The following USH2A variants were observed in gnomAD, a reference collection of about 807,000 sequenced individuals.
USH2A encodes the protein usherin, also known as Usher syndrome 2A (autosomal recessive, mild).
A neutral mutation model predicts 538.9 loss-of-function variants in USH2A; 443 were observed. That is an observed-to-expected ratio of 0.82 (90% confidence interval 0.76 to 0.89). The LOEUF is 0.89. USH2A is among the 40% of genes least tolerant of loss of function. USH2A has a pLI of 0.00. For missense variants in USH2A, 6,633 were observed against 6,324.8 expected (o/e 1.05, Z -1.65); for synonymous variants, 2,413 against 2,273.5 (o/e 1.06, Z -1.75).
chr1:215,650,870 G>C, intron 64 of USH2A, 69 bp from the exon 65 acceptor site: 11 of 1,392,670 alleles, frequency 7.9e-6, no homozygotes, highest in South Asian at 1.3e-5. Context: ...AAAAAAAAAA[G>C]AAAGGAAAAA....
chr1:216,088,968 C>A, intron 23 of USH2A, 45 bp downstream of exon 23: 1 of 1,610,978 alleles, frequency 6.2e-7, no homozygotes, highest in Non-Finnish European at 8.5e-7. Flanking sequence ...TATGGCAACA[C>A]CAACATATCA....
chr1:215,761,628 G>T (rs1363029265), intron 56 of USH2A, among the ~76,000 whole-genome samples: 1 of 152,190 alleles, frequency 6.6e-6, no homozygotes, highest in African/African-American at 2.4e-5. Context: ...ACTGCAGGCA[G>T]TTCTAGGGAA....
At chr1:215,858,054 G>A (rs535615579) in intron 44 of USH2A, among the ~76,000 whole-genome samples, 2 of 152,258 alleles carry the variant, frequency 1.3e-5, no homozygotes, top group African/African-American at 2.4e-5. Context: ...AAACTACAAT[G>A]TGAATGTTTG....
intron 70 of USH2A, among the ~76,000 whole-genome samples, chr1:215,632,946 A>G (rs998401822): frequency 1.3e-5 from 2 of 152,182 alleles, no homozygotes; most frequent in Admixed American, 6.5e-5. Flanking sequence ...TGCCTATGAT[A>G]TGCCAGGCAC....
chr1:216,068,352 T>TA (rs909608348), intron 30 of USH2A, among the ~76,000 whole-genome samples: 2 of 152,108 alleles, frequency 1.3e-5, no homozygotes, highest in Admixed American at 1.3e-4. Flanking sequence ...CAATGGGAGA[T>TA]AAAAGAGTTT....
chr1:216,420,414 A>G (rs1245731475), intron 2 of USH2A, among the ~76,000 whole-genome samples: 1 of 152,122 alleles, frequency 6.6e-6, no homozygotes, highest in African/African-American at 2.4e-5. Flanking sequence ...TGAATAAACA[A>G]TAATTGGATA....
chr1:216,158,625 G>A (rs1311217268), intron 21 of USH2A, among the ~76,000 whole-genome samples: 1 of 152,092 alleles, frequency 6.6e-6, no homozygotes, highest in Non-Finnish European at 1.5e-5. Flanking sequence ...CTTACCTACT[G>A]CAGTCTTATA....
At chr1:215,852,245 A>C (rs1329532858) in intron 44 of USH2A, among the ~76,000 whole-genome samples, 1 of 152,166 alleles carries the variant, frequency 6.6e-6, no homozygotes, top group Non-Finnish European at 1.5e-5. Context: ...GGCACATCTC[A>C]CATGGTGGCA....
chr1:215,976,196 G>A (rs934833923), intron 35 of USH2A, among the ~76,000 whole-genome samples: 4 of 152,140 alleles, frequency 2.6e-5, no homozygotes, highest in African/African-American at 7.2e-5. Flanking sequence ...TTGTTTGTCA[G>A]TTCCAGGAAC....
intron 50 of USH2A, among the ~76,000 whole-genome samples, chr1:215,797,424 T>C (rs1662175681): frequency 6.6e-6 from 1 of 152,154 alleles, no homozygotes; most frequent in African/African-American, 2.4e-5. Flanking sequence ...TGGAAGAAGA[T>C]GCCAACTAGA....
intron 54 of USH2A, 55 bp from the exon 55 acceptor site, chr1:215,780,096 G>C (rs186465791): frequency 6.3e-7 from 1 of 1,577,842 alleles, no homozygotes; most frequent in Admixed American, 1.7e-5. Flanking sequence ...TAGCTATCCT[G>C]ATCAATGAGA....
chr1:216,379,493 A>T (rs1048377858), intron 3 of USH2A, among the ~76,000 whole-genome samples: 3 of 152,164 alleles, frequency 2.0e-5, no homozygotes, highest in African/African-American at 7.2e-5. Context: ...AATTGTAAGA[A>T]GTATATACAA....
intron 47 of USH2A, among the ~76,000 whole-genome samples, chr1:215,837,260 C>CTGTG (rs148910436): frequency 1.3e-5 from 2 of 150,110 alleles, no homozygotes; most frequent in African/African-American, 4.9e-5. Flanking sequence ...GTGTATGTGT[C>CTGTG]TGTGTGTGTG....
chr1:215,782,319 CTATTA>C (rs1661666462), intron 53 of USH2A, 123 bp from the exon 54 acceptor site: 1 of 1,071,000 alleles, frequency 9.3e-7, no homozygotes, highest in Non-Finnish European at 1.4e-6. Flanking sequence ...TTTTAATTTC[CTATTA>C]TATTGCTGTC....
intron 11 of USH2A, among the ~76,000 whole-genome samples, chr1:216,258,893 C>T (rs2036309110): frequency 6.6e-6 from 1 of 152,122 alleles, no homozygotes; most frequent in Admixed American, 6.6e-5. Context: ...TGACAACATT[C>T]AGAGAGAATT....
At chr1:215,905,788 T>A (rs1036936970) in intron 38 of USH2A, among the ~76,000 whole-genome samples, 1 of 152,074 alleles carries the variant, frequency 6.6e-6, no homozygotes, top group Non-Finnish European at 1.5e-5. Flanking sequence ...TCACTAGGAA[T>A]CTGACTCTAG....
chr1:215,941,730 T>C (rs760620706), intron 37 of USH2A, among the ~76,000 whole-genome samples: 12 of 152,144 alleles, frequency 7.9e-5, no homozygotes, highest in Non-Finnish European at 1.5e-4. Flanking sequence ...ACAAAGCCTA[T>C]GGTCCATTCT....
At chr1:215,762,946 CTT>C (rs1661022754) in intron 56 of USH2A, among the ~76,000 whole-genome samples, 1 of 152,132 alleles carries the variant, frequency 6.6e-6, no homozygotes, top group African/African-American at 2.4e-5. Context: ...TTAAATTTAT[CTT>C]GAGTTGCATG....
chr1:216,314,741 T>G (rs1352362539), intron 9 of USH2A, among the ~76,000 whole-genome samples: 1 of 152,192 alleles, frequency 6.6e-6, no homozygotes, highest in Non-Finnish European at 1.5e-5. Context: ...AAATTTATAC[T>G]GATAGTTTGA....
Sources: gnomAD v4.1 joint callset for allele counts (sites outside exome capture counted in the v4.1 genomes callset) on GRCh38, gnomAD v4.1.1 for gene constraint, MANE v1.5 for transcripts, NCBI Gene and HGNC (gene_info 2026-07-23, HGNC 2026-07-21) for gene names.